ACER3: variants seen among roughly 807,000 people sequenced by gnomAD.
ACER3 encodes the protein alkCDase 3.
Under a neutral mutation model 48.9 loss-of-function variants are expected in ACER3, and 16 were observed. That is an observed-to-expected ratio of 0.33 (90% CI 0.22 to 0.50). ACER3 has a LOEUF of 0.50. Among genes scored for constraint, ACER3 ranks in the 20% least tolerant of loss-of-function variants. The probability of loss-of-function intolerance (pLI) is 0.98; values close to 1 mark genes in which losing one functional copy is unlikely to be tolerated. For missense variants in ACER3, 227 were observed against 326.0 expected (o/e 0.70, Z 2.34); for synonymous variants, 109 against 107.8 (o/e 1.01, Z -0.07).
intron 2 of ACER3, among the ~76,000 whole-genome samples, chr11:76,944,856 T>C (rs10793213): frequency 0.57 from 86,727 of 151,856 alleles, 27,968 homozygotes; most frequent in Non-Finnish European, 0.74. Flanking sequence ...AGTTCAGTCA[T>C]TTTATGTAGT....
rs1356810558 is a variant in ACER3, at chr11:77,019,877, G to A, written c.750+101G>A. The A allele has an allele frequency of 1.6e-5, 19 of 1,207,266 alleles. No individual in the cohort carries two copies. In the Admixed American group the frequency reaches 3.2e-4, roughly 20 times the overall value. The allele number at this position is 1,207,266 out of a possible 1,614,324, so 74.8% of individuals were successfully genotyped here. ...AAGGGGAGTTTGGAGAGGTAGTGGA[G>A]CAAACACAGGCTTTGGAACCAAAGG... is the stretch of plus-strand genomic sequence containing the variant. On this transcript the variant is annotated intron_variant, in intron 10 of 10. Coordinates refer to ENST00000532485, the MANE Select transcript of ACER3 (RefSeq NM_018367.7).
Position 76,991,586 on chromosome 11 carries a change from C to T in ACER3, c.438+1012C>T, listed in dbSNP as rs113897381. Among the ~76,000 whole-genome samples, 1,137 of 151,898 alleles carry T rather than the reference C, an allele frequency of 7.5e-3. 16 individuals are homozygous for T. The highest frequency in any genetic ancestry group is 0.025 in the African/African-American group (1,038 of 41,438). ...ATCCTAGCACTTTGGGAGGCCGAGG[C>T]GGGTGGATCACTTGAGGTCAGGTGT... On this transcript the variant is annotated intron_variant, in intron 6 of 10. Coordinates refer to ENST00000532485, the MANE Select transcript of ACER3 (RefSeq NM_018367.7).
At chr11:76,970,155 G>T (rs1361899060) in intron 3 of ACER3, among the ~76,000 whole-genome samples, 2 of 152,058 alleles carry the variant, frequency 1.3e-5, no homozygotes, top group African/African-American at 4.8e-5. Context: ...CTCCAAAAGG[G>T]TGAGGATTAT....
chr11:76,909,550 C>A (rs1946317737), intron 1 of ACER3, among the ~76,000 whole-genome samples: 1 of 152,144 alleles, frequency 6.6e-6, no homozygotes. Flanking sequence ...TAGAGAAATG[C>A]AAATCAAAAC....
chr11:77,020,446 C>A lies in ACER3; in HGVS notation c.*119C>A. 2 of 1,155,534 alleles carry A rather than the reference C, an allele frequency of 1.7e-6. No individual in the cohort carries two copies. Among genetic ancestry groups the A allele is most frequent in the East Asian group, 2.6e-5 (1 of 38,980 alleles). The allele number at this position is 1,155,534 out of a possible 1,614,324, so 71.6% of individuals were successfully genotyped here. On this transcript the variant is annotated 3_prime_UTR_variant, in exon 11 of 11. Transcript: ENST00000532485. ...CATGACCATCACAGCAGAGGAGTGA[C>A]TTTCTGACTAATGCTGCCACCCACA...
chr11:76,903,314 C>A (rs1263236072), intron 1 of ACER3, among the ~76,000 whole-genome samples: 1 of 152,140 alleles, frequency 6.6e-6, no homozygotes, highest in Non-Finnish European at 1.5e-5. Flanking sequence ...ATTGTCTCTT[C>A]AGTGAAACCT....
At chr11:76,927,607 C>G (rs923133616) in intron 2 of ACER3, among the ~76,000 whole-genome samples, 1 of 152,092 alleles carries the variant, frequency 6.6e-6, no homozygotes, top group African/African-American at 2.4e-5. Flanking sequence ...TATCCCTCCC[C>G]CCTTCCCCCA....
intron 2 of ACER3, among the ~76,000 whole-genome samples, chr11:76,936,721 CT>C (rs11428910): frequency 5.5e-4 from 79 of 143,278 alleles, no homozygotes; most frequent in Admixed American, 1.0e-3. Flanking sequence ...TTCTTTCTTT[CT>C]TTTTTTTTTT....
At chr11:76,988,094 A>G (rs574284789) in intron 5 of ACER3, among the ~76,000 whole-genome samples, 1 of 152,368 alleles carries the variant, frequency 6.6e-6, no homozygotes, top group South Asian at 2.1e-4. Context: ...AGATTTCTAG[A>G]AGTGAAAAAT....
chr11:76,872,090 T>G (rs867441211), intron 1 of ACER3, among the ~76,000 whole-genome samples: 1 of 136,882 alleles, frequency 7.3e-6, no homozygotes, highest in Admixed American at 7.8e-5. Context: ...TGAACTTTTT[T>G]TTTTGAGACT....
In ACER3 at chr11:77,020,407, A is replaced by C. The variant is rs1257875363; in HGVS notation, c.*80A>C. 1 of 1,474,650 alleles carries C rather than the reference A, an allele frequency of 6.8e-7. No homozygotes were observed. The highest frequency in any genetic ancestry group is 2.3e-5 in the East Asian group (1 of 43,640). 91.3% of individuals were successfully genotyped at this position (1,474,650 alleles called of 1,614,324 possible). On this transcript the variant is annotated 3_prime_UTR_variant, in exon 11 of 11. Transcript: ENST00000532485. ...AATAAGGAAATCCTTAAAGATCTAC[A>C]AGTTCAAATATGTCATGACCATCAC...
At position 76,939,128 on chromosome 11, in the gene ACER3, G is replaced by A. The variant is rs565730991; in HGVS notation, c.214+12461G>A. ...CTATGATTCTAAAAAACACAAATGGGGTGAGAAGAGAAAGCTTAAAAAAAG... is the reference window on the plus strand; with the variant it reads ...CTATGATTCTAAAAAACACAAATGGAGTGAGAAGAGAAAGCTTAAAAAAAG... On this transcript the variant is annotated intron_variant, in intron 2 of 10. Transcript: ENST00000532485. Among the ~76,000 whole-genome samples, 78 of 152,018 alleles carry A rather than the reference G, an allele frequency of 5.1e-4. No homozygotes were observed. In the South Asian group the frequency reaches 0.016, roughly 31 times the overall value.
intron 2 of ACER3, among the ~76,000 whole-genome samples, chr11:76,948,343 A>G (rs1311973792): frequency 6.6e-6 from 1 of 151,902 alleles, no homozygotes; most frequent in African/African-American, 2.4e-5. Flanking sequence ...TTGAGGGTAG[A>G]TGGGGAACAA....
chr11:76,977,803 A>G (rs548582666), intron 4 of ACER3, among the ~76,000 whole-genome samples: 54 of 152,284 alleles, frequency 3.5e-4, no homozygotes, highest in Middle Eastern at 6.8e-3. Context: ...ATGGCTCTGG[A>G]CCTGGGCATC....
At chr11:76,980,208 C>A in intron 4 of ACER3, among the ~76,000 whole-genome samples, 1 of 152,180 alleles carries the variant, frequency 6.6e-6, no homozygotes. Flanking sequence ...GCTCTTGAGC[C>A]ATAGTTTGTC....
intron 1 of ACER3, among the ~76,000 whole-genome samples, chr11:76,912,526 C>T (rs1192386104): frequency 1.3e-5 from 2 of 151,688 alleles, no homozygotes; most frequent in African/African-American, 4.8e-5. Flanking sequence ...ATAATATATC[C>T]ATATAATGTA....
At chr11:76,988,168 G>A (rs528060554) in intron 5 of ACER3, among the ~76,000 whole-genome samples, 2 of 152,280 alleles carry the variant, frequency 1.3e-5, no homozygotes, top group South Asian at 4.1e-4. Flanking sequence ...GAAATTTTCA[G>A]TTGGAAGACC....
At chr11:76,930,020 A>G (rs186295378) in intron 2 of ACER3, among the ~76,000 whole-genome samples, 219 of 150,604 alleles carry the variant, frequency 1.5e-3, no homozygotes, top group Non-Finnish European at 2.2e-3. Context: ...TTTTCTGTTG[A>G]TTGGAATAGT....
chr11:77,005,622 G>A (rs192475864), intron 7 of ACER3, among the ~76,000 whole-genome samples: 1 of 152,058 alleles, frequency 6.6e-6, no homozygotes, highest in East Asian at 1.9e-4. Flanking sequence ...GCTTCTAGTA[G>A]TTTGGTGGCA....
Sources: gnomAD v4.1 joint callset for allele counts (sites outside exome capture counted in the v4.1 genomes callset) on GRCh38, gnomAD v4.1.1 for gene constraint, MANE v1.5 for transcripts, NCBI Gene and HGNC (gene_info 2026-07-23, HGNC 2026-07-21) for gene names.